The following NAGA variants were observed in gnomAD, a reference collection of about 807,000 sequenced individuals.
The protein encoded by NAGA is alpha-N-acetylgalactosaminidase.
A neutral mutation model predicts 45.6 loss-of-function variants in NAGA; 42 were observed. The observed-to-expected ratio is 0.92, with a 90% confidence interval of 0.72 to 1.19. The LOEUF (loss-of-function observed/expected upper bound fraction) is 1.19. Among genes scored for constraint, NAGA ranks in the 50% most tolerant of loss-of-function variants. NAGA has a pLI of 0.00. For missense variants in NAGA, 493 were observed against 544.8 expected, an observed-to-expected ratio of 0.90 and a Z score of 0.95; for synonymous variants, 176 against 203.1, an observed-to-expected ratio of 0.87 and a Z score of 1.13.
intron 1 of NAGA, among the ~76,000 whole-genome samples, chr22:42,069,967 CT>C (rs1569459080): frequency 6.6e-6 from 1 of 152,220 alleles, no homozygotes; most frequent in African/African-American, 2.4e-5. Flanking sequence ...TAAGTGAGAC[CT>C]TTCCCCCTCG....
At chr22:42,067,972 C>T (rs138419349) in intron 2 of NAGA, 36 bp from the exon 3 acceptor site, 26 of 1,596,912 alleles carry the variant, frequency 1.6e-5, no homozygotes, top group Non-Finnish European at 2.2e-5. Context: ...AGCTCAGGGA[C>T]CCAGCCCGGC....
At chr22:42,064,867 C>T (rs1018798308) in intron 6 of NAGA, among the ~76,000 whole-genome samples, 1 of 152,178 alleles carries the variant, frequency 6.6e-6, no homozygotes, top group African/African-American at 2.4e-5. Flanking sequence ...CTTGCCCTAG[C>T]CACAGCTGAA....
chr22:42,070,170 A>G (rs1926970310), intron 1 of NAGA, 112 bp downstream of exon 1: 1 of 1,254,302 alleles, frequency 8.0e-7, no homozygotes, highest in Non-Finnish European at 1.2e-6. Flanking sequence ...AGCTCTAAGT[A>G]AAAGAGAGAG....
chr22:42,066,598 G>A (rs2146842571), intron 5 of NAGA, 112 bp downstream of exon 5: 1 of 1,002,524 alleles, frequency 1.0e-6, no homozygotes. Flanking sequence ...ATGGGCACCT[G>A]TGGTGAGAGC....
chr22:42,068,486 G>A lies in NAGA; in HGVS notation c.105C>T (p.Arg35=). 2.5e-6 allele frequency: 4 copies of A among 1,614,176 alleles called. No homozygotes were observed. Among genetic ancestry groups the A allele is most frequent in the Non-Finnish European group, 3.4e-6 (4 of 1,180,036 alleles). The part of the protein sequence containing the change: ...TPPMGWLAWE[R]FRCNINCDED... ...CATCACAGTTAATGTTGCAGCGGAA[G>A]CGTTCCCAGGCCAGCCAGCCCATGG... is the stretch of plus-strand genomic sequence containing the variant. The change falls in exon 2 of 9, where the codon CGC becomes CGT. Residue 35 remains arginine, a synonymous_variant. Coordinates refer to ENST00000396398, the MANE Select transcript of NAGA (RefSeq NM_000262.3).
intron 6 of NAGA, among the ~76,000 whole-genome samples, chr22:42,064,195 C>A (rs1278687357): frequency 6.6e-6 from 1 of 150,810 alleles, no homozygotes; most frequent in Non-Finnish European, 1.5e-5. Context: ...ACAAAATTAG[C>A]CAGGCGTGGT....
intron 7 of NAGA, among the ~76,000 whole-genome samples, chr22:42,062,572 A>C (rs1310877261): frequency 6.6e-6 from 1 of 152,168 alleles, no homozygotes; most frequent in Admixed American, 6.5e-5. Flanking sequence ...ATGTGCACTT[A>C]TGTGGCTGAC....
chr22:42,065,948 A>T, intron 5 of NAGA, 49 bp from the exon 6 acceptor site: 3 of 1,602,614 alleles, frequency 1.9e-6, no homozygotes, highest in Non-Finnish European at 2.6e-6. Flanking sequence ...CACACGCTGC[A>T]GCCCAGGGAC....
chr22:42,059,968 T>C lies in NAGA; in HGVS notation c.*311A>G, dbSNP rs1313218753. 2 of 402,276 alleles carry C rather than the reference T, an allele frequency of 5.0e-6. No individual in the cohort carries two copies. Among genetic ancestry groups the C allele is most frequent in the Non-Finnish European group, 9.4e-6 (2 of 211,880 alleles). 24.9% of individuals were successfully genotyped at this position (402,276 alleles called of 1,614,324 possible). A position where few individuals can be genotyped will look rare whatever the true frequency, so the allele number is the denominator to read the frequency against. On this transcript the variant is annotated 3_prime_UTR_variant, in exon 9 of 9. Transcript: ENST00000396398. ...CCTGATTTCAGAGTCAACAGCAAGG[T>C]CAGAGGCTAGAGTCCTGATGGGCAT... is the stretch of plus-strand genomic sequence containing the variant.
chr22:42,061,731 C>T (rs551519332), intron 7 of NAGA, among the ~76,000 whole-genome samples: 78 of 152,062 alleles, frequency 5.1e-4, no homozygotes, highest in African/African-American at 1.8e-3. Flanking sequence ...GATCAGCTGA[C>T]GTCAGGAGTT....
intron 1 of NAGA, among the ~76,000 whole-genome samples, chr22:42,069,915 TAAG>T (rs1250729342): frequency 6.6e-6 from 1 of 152,210 alleles, no homozygotes; most frequent in African/African-American, 2.4e-5. Flanking sequence ...CAGAGAGGCT[TAAG>T]AAGTAAGCCA....
Position 42,065,838 on chromosome 22 carries a change from T to C in NAGA, c.659A>G (p.Asp220Gly). Residue 220 changes from aspartate (D) to glycine (G), a missense_variant, in exon 6 of 9, where the codon GAC becomes GGC. Coordinates refer to ENST00000396398, the MANE Select transcript of NAGA (RefSeq NM_000262.3). Reference sequence around the variant, plus strand: ...GATGGAGAGCACGCTCCACCAGGAGTCCTGGATGTCATCATAGTTACGCCA... The same window carrying C: ...GATGGAGAGCACGCTCCACCAGGAGCCCTGGATGTCATCATAGTTACGCCA... The part of the protein sequence containing the change: ...NLWRNYDDIQ[D>G]SWWSVLSILN... The C allele has an allele frequency of 2.5e-6, 4 of 1,613,872 alleles. No homozygotes were observed. The highest frequency in any genetic ancestry group is 3.4e-6 in the Non-Finnish European group (4 of 1,179,982).
chr22:42,066,558 G>T (rs2146842521), intron 5 of NAGA, 152 bp downstream of exon 5: 2 of 727,718 alleles, frequency 2.7e-6, no homozygotes, highest in African/African-American at 1.8e-5. Flanking sequence ...GCTACTTAAT[G>T]TAGGTCTCTA....
chr22:42,061,034 G>A lies in NAGA; in HGVS notation c.991C>T (p.Leu331=), dbSNP rs746483627. 7.4e-6 allele frequency: 12 copies of A among 1,614,096 alleles called. No individual in the cohort carries two copies. Among genetic ancestry groups the A allele is most frequent in the East Asian group, 2.2e-5 (1 of 44,898 alleles). Residue 331 remains leucine (L), a synonymous_variant, in exon 8 of 9, where the codon CTG becomes TTG. Coordinates refer to ENST00000396398, the MANE Select transcript of NAGA (RefSeq NM_000262.3). Reference sequence around the variant, plus strand: ...ACTAAGGCGCTAGCCTTGTTGGACAGAGGCCGCATGTACACTTCGATGAGA... The same window carrying A: ...ACTAAGGCGCTAGCCTTGTTGGACAAAGGCCGCATGTACACTTCGATGAGA... ...KSLIEVYMRP[L]SNKASALVFF...
At chr22:42,060,434 A>G in intron 8 of NAGA, 21 bp from the exon 9 acceptor site, 1 of 1,611,978 alleles carries the variant, frequency 6.2e-7, no homozygotes, top group Non-Finnish European at 8.5e-7. Flanking sequence ...GAGGGACATC[A>G]CCAATGCCAC....
chr22:42,068,871 A>C (rs1926897907), intron 1 of NAGA, among the ~76,000 whole-genome samples: 1 of 70,420 alleles, frequency 1.4e-5, no homozygotes, highest in South Asian at 3.9e-4. Context: ...TATAACCCCC[A>C]TCAGCTCCTC....
intron 2 of NAGA, 112 bp downstream of exon 2, chr22:42,068,327 T>G: frequency 6.5e-7 from 1 of 1,548,534 alleles, no homozygotes; most frequent in African/African-American, 1.4e-5. Flanking sequence ...CTGCAGTCTC[T>G]GGGATGGAGA....
rs1926272373 is a variant in NAGA at position 42,060,115 on chromosome 22, G to C, written c.*164C>G. ...AAGTTTCCAAGAGGGTTTACGCTTG[G>C]ACAGGGCATAGAACCTGGCCGTGAG... is the stretch of plus-strand genomic sequence containing the variant. On this transcript the variant is annotated 3_prime_UTR_variant, in exon 9 of 9. Transcript: ENST00000396398. 9 of 916,048 alleles carry C rather than the reference G, an allele frequency of 9.8e-6. 1 individual carries two copies. In the South Asian group the frequency reaches 1.1e-4, roughly 12 times the overall value. 56.7% of individuals were successfully genotyped at this position (916,048 alleles called of 1,614,324 possible).
intron 6 of NAGA, among the ~76,000 whole-genome samples, chr22:42,064,857 C>G (rs1349526020): frequency 6.6e-6 from 1 of 152,232 alleles, no homozygotes; most frequent in East Asian, 1.9e-4. Flanking sequence ...GCCACACCCA[C>G]TTGCCCTAGC....
Sources: gnomAD v4.1 joint callset for allele counts (sites outside exome capture counted in the v4.1 genomes callset) on GRCh38, gnomAD v4.1.1 for gene constraint, MANE v1.5 for transcripts, NCBI Gene and HGNC (gene_info 2026-07-23, HGNC 2026-07-21) for gene names.